Variants in NR6A1 observed in about 807,000 individuals in gnomAD.
NR6A1 encodes the protein nuclear receptor subfamily 6 group A member 1, also known as retinoic acid receptor-related testis-associated receptor.
In NR6A1, 7 loss-of-function variants were observed where a neutral mutation model predicts 59.1. That is an observed-to-expected ratio of 0.12 (90% CI 0.07 to 0.22). NR6A1 has a LOEUF of 0.22. NR6A1 is among the 10% of genes least tolerant of loss of function. The pLI is 1.00. For synonymous variants in NR6A1, 243 were observed against 236.1 expected (o/e 1.03, Z -0.27); for missense variants, 468 against 611.6 (o/e 0.77, Z 2.48).
chr9:124,688,713 T>C (rs1200065979), intron 2 of NR6A1, among the ~76,000 whole-genome samples: 2 of 152,322 alleles, frequency 1.3e-5, no homozygotes, highest in Non-Finnish European at 2.9e-5. Context: ...GCTCTATAGC[T>C]ATGGTCAGAA....
intron 2 of NR6A1, among the ~76,000 whole-genome samples, chr9:124,700,361 A>T (rs1838902776): frequency 6.6e-6 from 1 of 151,654 alleles, no homozygotes; most frequent in African/African-American, 2.4e-5. Context: ...TGCCCGGCTA[A>T]TTTTTGCATT....
intron 2 of NR6A1, among the ~76,000 whole-genome samples, chr9:124,710,049 G>A (rs1839231824): frequency 6.6e-6 from 1 of 151,708 alleles, no homozygotes; most frequent in African/African-American, 2.4e-5. Flanking sequence ...CCAGAGAAAA[G>A]AGAATCACTC....
intron 6 of NR6A1, 26 bp from the exon 7 acceptor site, chr9:124,536,158 C>A: frequency 6.2e-7 from 1 of 1,603,030 alleles, no homozygotes; most frequent in South Asian, 1.1e-5. Flanking sequence ...AGGGGAAAGT[C>A]ACTTCCATTG....
intron 2 of NR6A1, among the ~76,000 whole-genome samples, chr9:124,573,422 A>T (rs1407641416): frequency 6.6e-6 from 1 of 152,158 alleles, no homozygotes; most frequent in East Asian, 1.9e-4. Context: ...TCTAACTTGA[A>T]ATCTTTCACC....
intron 2 of NR6A1, among the ~76,000 whole-genome samples, chr9:124,718,332 G>T (rs1046780110): frequency 1.3e-5 from 2 of 152,240 alleles, no homozygotes; most frequent in Non-Finnish European, 2.9e-5. Flanking sequence ...AATTCTGATG[G>T]CTTTACTAGT....
intron 1 of NR6A1, among the ~76,000 whole-genome samples, chr9:124,763,240 A>G (rs1403086818): frequency 2.0e-5 from 3 of 152,246 alleles, no homozygotes; most frequent in Non-Finnish European, 4.4e-5. Context: ...CAAGGATGAC[A>G]TTAAGTGGAA....
chr9:124,734,704 CA>C (rs1050613538), intron 1 of NR6A1, among the ~76,000 whole-genome samples: 6 of 150,834 alleles, frequency 4.0e-5, no homozygotes, highest in Admixed American at 6.6e-5. Flanking sequence ...AAAAATAAAA[CA>C]AAAAAAAGAA....
intron 2 of NR6A1, among the ~76,000 whole-genome samples, chr9:124,647,635 G>A (rs1479210074): frequency 6.6e-6 from 1 of 151,440 alleles, no homozygotes; most frequent in South Asian, 2.1e-4. Flanking sequence ...GCTGAGGCAG[G>A]GGAATCACTT....
In NR6A1 at chr9:124,572,259, GC is replaced by G. The variant is rs200405503; in HGVS notation, c.143-17690del. Among the ~76,000 whole-genome samples the G allele has an allele frequency of 4.1e-3, 631 of 152,310 alleles. 7 individuals are homozygous for G. Among genetic ancestry groups the G allele is most frequent in the African/African-American group, 0.014 (568 of 41,566 alleles). ...TTAAAAATCAAAATACAAAATTAAT[GC>G]AAGAAAAAGTTTTAAACAGATGACT... On this transcript the variant is annotated intron_variant, in intron 2 of 9. Transcript: ENST00000487099.
chr9:124,711,403 C>A (rs1839275735), intron 2 of NR6A1, among the ~76,000 whole-genome samples: 1 of 151,346 alleles, frequency 6.6e-6, no homozygotes, highest in Admixed American at 6.6e-5. Flanking sequence ...CAATTCCTTG[C>A]CAAAGAAAAT....
At chr9:124,570,694 G>A (rs990750555) in intron 2 of NR6A1, among the ~76,000 whole-genome samples, 1 of 122,044 alleles carries the variant, frequency 8.2e-6, no homozygotes, top group African/African-American at 3.1e-5. Context: ...TTTGTCTTAT[G>A]TCACTGGAAA....
chr9:124,618,490 A>T (rs1051438672), intron 2 of NR6A1, among the ~76,000 whole-genome samples: 9 of 151,472 alleles, frequency 5.9e-5, no homozygotes, highest in South Asian at 2.1e-4. Context: ...CTCAAAAAAT[A>T]AAAAAAATAG....
intron 1 of NR6A1, among the ~76,000 whole-genome samples, chr9:124,769,735 G>A (rs1243974732): frequency 1.3e-5 from 2 of 152,242 alleles, no homozygotes; most frequent in South Asian, 2.1e-4. Context: ...AGATGTGAAA[G>A]GTGGAAAACA....
intron 2 of NR6A1, among the ~76,000 whole-genome samples, chr9:124,691,812 G>A (rs571903185): frequency 7.2e-5 from 11 of 152,288 alleles, no homozygotes; most frequent in African/African-American, 2.4e-4. Flanking sequence ...CATGGAGGTC[G>A]AGGTTTTTCA....
chr9:124,569,372 A>G (rs1285817900), intron 2 of NR6A1, among the ~76,000 whole-genome samples: 1 of 151,872 alleles, frequency 6.6e-6, no homozygotes, highest in Non-Finnish European at 1.5e-5. Flanking sequence ...TACCTCCTCC[A>G]CCCCAGGAAG....
At position 124,541,619 on chromosome 9, in the gene NR6A1, T is replaced by C. The variant is rs190311807; in HGVS notation, c.442-1432A>G. Among the ~76,000 whole-genome samples, 265 of 152,324 alleles carry C rather than the reference T, an allele frequency of 1.7e-3. 1 individual carries two copies. The highest frequency in any genetic ancestry group is 2.8e-3 in the Non-Finnish European group (191 of 68,022). ...GGTGCAACCACTATGGAAAACAGCA[T>C]GGAGGTTCCTCTAAAAGTTAAAAAT... On this transcript the variant is annotated intron_variant, in intron 4 of 9. Transcript: ENST00000487099.
At chr9:124,694,190 C>G (rs567542823) in intron 2 of NR6A1, among the ~76,000 whole-genome samples, 1 of 152,162 alleles carries the variant, frequency 6.6e-6, no homozygotes, top group African/African-American at 2.4e-5. Context: ...TTATAATAAA[C>G]TTATTAAGAT....
chr9:124,686,092 TACAAAGCCTTAACACAA>T (rs994648796), intron 2 of NR6A1, among the ~76,000 whole-genome samples: 1 of 152,206 alleles, frequency 6.6e-6, no homozygotes, highest in Non-Finnish European at 1.5e-5. Context: ...ACCAATAACT[TACAAAGCCTTAACACAA>T]ATCTATACTC....
At chr9:124,577,660 G>A (rs1184769211) in intron 2 of NR6A1, among the ~76,000 whole-genome samples, 7 of 152,098 alleles carry the variant, frequency 4.6e-5, no homozygotes, top group Admixed American at 1.3e-4. Context: ...ATTTCATTTC[G>A]CCTTTAAATG....
Sources: allele counts gnomAD v4.1 joint callset (sites outside exome capture counted in the v4.1 genomes callset), GRCh38; gene constraint gnomAD v4.1.1; transcripts MANE v1.5; gene names NCBI Gene and HGNC (gene_info 2026-07-23, HGNC 2026-07-21).